Variants in MCRS1 observed in about 807,000 individuals in gnomAD.
MCRS1 encodes 58 kDa microspherule protein.
Under a neutral mutation model 62.9 loss-of-function variants are expected in MCRS1, and 22 were observed. The ratio of observed to expected loss-of-function variants is 0.35; its 90% CI spans 0.25 to 0.50. The LOEUF (loss-of-function observed/expected upper bound fraction) is 0.50, where lower values mean the gene tolerates loss of function less well. Ranked by LOEUF, MCRS1 falls within the 20% of genes least tolerant of loss-of-function variation. MCRS1 has a pLI of 0.98. For synonymous variants in MCRS1, 244 were observed against 233.5 expected, an observed-to-expected ratio of 1.04 and a Z score of -0.41; for missense variants, 456 against 601.1, an observed-to-expected ratio of 0.76 and a Z score of 2.52.
At chr12:49,565,829 T>C in intron 3 of MCRS1, 162 bp from the exon 4 acceptor site, 1 of 1,155,482 alleles carries the variant, frequency 8.7e-7, no homozygotes, top group Non-Finnish European at 1.2e-6. Context: ...ACTGCTACAC[T>C]CCAGCCCTCT....
chr12:49,559,816 T>G lies in MCRS1; in HGVS notation c.916A>C (p.Met306Leu). ...CGCTTCTGGCGCCGGTCAGCCACCATCAGCTCTGGGGTGAGGTGGGGTGGT... is the reference window on the plus strand; with the variant it reads ...CGCTTCTGGCGCCGGTCAGCCACCAGCAGCTCTGGGGTGAGGTGGGGTGGT... The part of the protein sequence containing the change: ...MRDEVLEHEL[M>L]VADRRQKREI... The change falls in exon 11 of 15, where the codon ATG becomes CTG. Residue 306 changes from methionine (M) to leucine (L), a missense_variant. Transcript: ENST00000343810. This position sits in a 1 kb window ranked among gnomAD's most constrained non-coding sequence, Gnocchi z 5.2. 1 of 1,614,162 alleles carries G rather than the reference T, an allele frequency of 6.2e-7. No individual in the cohort carries two copies. Among genetic ancestry groups the G allele is most frequent in the Non-Finnish European group, 8.5e-7 (1 of 1,179,998 alleles).
Position 49,564,717 on chromosome 12 carries a change from G to T in MCRS1, c.447+20C>A, listed in dbSNP as rs750948617. ...AGGTTGGGGGAAAGGGGCACACTGA[G>T]CCTATGGTGGGGGCACTACCTGCAA... On this transcript the variant is annotated intron_variant, in intron 5 of 14. Coordinates refer to ENST00000343810, the MANE Select transcript of MCRS1 (RefSeq NM_006337.5). The T allele has an allele frequency of 2.5e-6, 4 of 1,605,264 alleles. No individual in the cohort carries two copies. The Admixed American group carries it at 6.7e-5, about 27-fold the overall frequency.
At chr12:49,566,455 G>GT in intron 2 of MCRS1, 1 of 1,566,904 alleles carries the variant, frequency 6.4e-7, no homozygotes, top group Non-Finnish European at 8.7e-7. Context: ...GCAGCACATG[G>GT]TGCTCAGGTC....
In MCRS1 at chr12:49,563,393, T is replaced by G. The variant is rs17123787; in HGVS notation, c.666+45A>C. 4,938 of 1,562,108 alleles carry G rather than the reference T, an allele frequency of 3.2e-3. 128 individuals carry two copies. In the African/African-American group the frequency reaches 0.059, roughly 19 times the overall value. On this transcript the variant is annotated intron_variant, in intron 7 of 14. Transcript: ENST00000343810. Reference sequence around the variant, plus strand: ...TCAGTGGTTTTCTAGGTGGTCCAGCTCTCGCTGTGCCCTGATCCTCCACCT... The same window carrying G: ...TCAGTGGTTTTCTAGGTGGTCCAGCGCTCGCTGTGCCCTGATCCTCCACCT...
At position 49,564,839 on chromosome 12, in the gene MCRS1, G is replaced by A; in HGVS notation, c.345C>T (p.Leu115=). 2 of 1,614,026 alleles carry A rather than the reference G, an allele frequency of 1.2e-6. No individual in the cohort carries two copies. The highest frequency in any genetic ancestry group is 1.1e-5 in the South Asian group (1 of 91,064). The change falls in exon 5 of 15, where the codon CTC becomes CTT. Residue 115 remains leucine (L), a synonymous_variant. Transcript: ENST00000343810. ...VPPSPAPAPG[L]TKRVKKSKQP... is the part of the protein sequence containing the mutation. ...GTTTACTCTTCTTCACACGCTTGGT[G>A]AGTCCAGGGGCTGGGGCTGGGCTGG...
At chr12:49,563,345 C>G in intron 7 of MCRS1, 93 bp downstream of exon 7, 1 of 1,388,640 alleles carries the variant, frequency 7.2e-7, no homozygotes, top group Non-Finnish European at 1.0e-6. Context: ...CATATCCAGA[C>G]AGTGGGTGGG....
rs2138203585 is a variant in MCRS1 at position 49,566,147 on chromosome 12, ACTC to A, written c.76_78del (p.Glu26del). On this transcript the variant is annotated inframe_deletion, in exon 3 of 15. Transcript: ENST00000343810. ...GAGGCTCGCTTCTGCCCTGCCAGTGACTCCTCATCCTCTGAGCGGCTGGCAGTG... is the reference window on the plus strand; with the variant it reads ...GAGGCTCGCTTCTGCCCTGCCAGTGACTCATCCTCTGAGCGGCTGGCAGTG... 1.2e-6 allele frequency: 2 copies of A among 1,613,944 alleles called. No individual in the cohort carries two copies. Among genetic ancestry groups the A allele is most frequent in the East Asian group, 2.2e-5 (1 of 44,856 alleles).
rs138752838 is a variant in MCRS1 at position 49,564,758 on chromosome 12, C to G, written c.426G>C (p.Leu142=). The change falls in exon 5 of 15, where the codon CTG becomes CTC. Residue 142 remains leucine (L), a synonymous_variant. Coordinates refer to ENST00000343810, the MANE Select transcript of MCRS1 (RefSeq NM_006337.5). ...LGRWKPADDL[L]LINAVLQTND... The stretch of plus-strand genomic sequence containing the variant: ...CTACCTGCAACACAGCATTTATGAG[C>G]AGGAGGTCATCTGCAGGCTTCCAGC... The G allele has an allele frequency of 6.6e-5, 107 of 1,612,788 alleles. No homozygotes were observed. In the African/African-American group the frequency reaches 1.4e-3, roughly 21 times the overall value.
intron 3 of MCRS1, 67 bp downstream of exon 3, chr12:49,566,010 C>T: frequency 6.4e-7 from 1 of 1,553,910 alleles, no homozygotes; most frequent in Non-Finnish European, 8.7e-7. Context: ...GATGGGGAGG[C>T]ATGTGGCACT....
In MCRS1 at chr12:49,566,769, G is replaced by T; in HGVS notation, c.-38C>A. 6.2e-7 allele frequency: 1 copy of T among 1,611,852 alleles called. No homozygotes were observed. Among genetic ancestry groups the T allele is most frequent in the Non-Finnish European group, 8.5e-7 (1 of 1,178,992 alleles). ...CCAAAGCCACTGGTTCCAAACCACC[G>T]GGCTAGGAGGAACGGTCCCACAGGC... On this transcript the variant is annotated 5_prime_UTR_variant, in exon 2 of 15. Coordinates refer to ENST00000343810, the MANE Select transcript of MCRS1 (RefSeq NM_006337.5).
In MCRS1 at chr12:49,559,048, G is replaced by A; in HGVS notation, c.1175-78C>T. On this transcript the variant is annotated intron_variant, in intron 13 of 14. Transcript: ENST00000343810. This position sits in a 1 kb window ranked among gnomAD's most constrained non-coding sequence, Gnocchi z 5.2. ...ATGGGGAAAGGCCAGAGAGAGCCAG[G>A]AGCTTCCATGGACCAGCTCTGCTTC... The A allele has an allele frequency of 1.9e-6, 3 of 1,587,590 alleles. No individual in the cohort carries two copies. The highest frequency in any genetic ancestry group is 3.3e-5 in the Admixed American group (2 of 59,818).
chr12:49,559,000 T>A, intron 13 of MCRS1, 30 bp from the exon 14 acceptor site: 1 of 1,599,758 alleles, frequency 6.3e-7, no homozygotes. Context: ...GAAGGGATGA[T>A]GGGATGGGGA....
Position 49,563,477 on chromosome 12 carries a change from A to G in MCRS1, c.627T>C (p.Phe209=), listed in dbSNP as rs146749725. ...AIAAIQSKAL[F]SKAEEQLLSK... The stretch of plus-strand genomic sequence containing the variant: ...TCAGCAGCTGCTCCTCAGCCTTGCT[A>G]AACAGGGCCTTGCTCTGGATGGCTG... The change falls in exon 7 of 15, where the codon TTT becomes TTC. Residue 209 remains phenylalanine, a synonymous_variant. Coordinates refer to ENST00000343810, the MANE Select transcript of MCRS1 (RefSeq NM_006337.5). 189 of 1,612,928 alleles carry G rather than the reference A, an allele frequency of 1.2e-4. No homozygotes were observed. In the African/African-American group the frequency reaches 2.2e-3, roughly 19 times the overall value.
Position 49,564,737 on chromosome 12 carries a change from C to T in MCRS1, c.447G>A (p.Gln149=). The T allele has an allele frequency of 6.2e-7, 1 of 1,610,096 alleles. No homozygotes were observed. Among genetic ancestry groups the T allele is most frequent in the Non-Finnish European group, 8.5e-7 (1 of 1,177,590 alleles). The part of the protein sequence containing the change: ...DDLLLINAVL[Q]TNDLTSVHLG... Reference sequence around the variant, plus strand: ...ACTGAGCCTATGGTGGGGGCACTACCTGCAACACAGCATTTATGAGCAGGA... The same window carrying T: ...ACTGAGCCTATGGTGGGGGCACTACTTGCAACACAGCATTTATGAGCAGGA... Residue 149 remains glutamine (Q), a splice_region_variant and synonymous_variant, in exon 5 of 15, where the codon CAG becomes CAA. Transcript: ENST00000343810.
chr12:49,565,222 T>G (rs961335417), intron 4 of MCRS1: 46 of 985,282 alleles, frequency 4.7e-5, no homozygotes, highest in Non-Finnish European at 5.2e-5. Context: ...CAATGCCACC[T>G]GGGGGTTATT....
At chr12:49,564,620 C>T (rs1171696123) in intron 5 of MCRS1, 30 bp from the exon 6 acceptor site, 2 of 1,609,038 alleles carry the variant, frequency 1.2e-6, no homozygotes, top group Admixed American at 1.7e-5. Flanking sequence ...TTTGCTCCAG[C>T]CTTGGAGCTG....
chr12:49,559,995 T>C lies in MCRS1; in HGVS notation c.882-28A>G. 1 of 1,614,098 alleles carries C rather than the reference T, an allele frequency of 6.2e-7. No individual in the cohort carries two copies. Among genetic ancestry groups the C allele is most frequent in the Non-Finnish European group, 8.5e-7 (1 of 1,179,988 alleles). On this transcript the variant is annotated intron_variant, in intron 9 of 14. Transcript: ENST00000343810. This position sits in a 1 kb window ranked among gnomAD's most constrained non-coding sequence, Gnocchi z 5.2. The stretch of plus-strand genomic sequence containing the variant: ...GAGGGGCAAGAAGAGAAGGAAGATT[T>C]AGGTCCACCTTCAGCTTGCCTGTTA...
rs1592528129 is a variant in MCRS1 at position 49,564,670 on chromosome 12, C to A, written c.447+67G>T. ...TTGCCACCCACAGGGCCCTGTTGGG[C>A]TAATTTTGGGGTGCGAACTGGAGGT... On this transcript the variant is annotated intron_variant, in intron 5 of 14. Coordinates refer to ENST00000343810, the MANE Select transcript of MCRS1 (RefSeq NM_006337.5). 15 of 1,604,604 alleles carry A rather than the reference C, an allele frequency of 9.3e-6. No homozygotes were observed. In the East Asian group the frequency reaches 3.4e-4, roughly 36 times the overall value.
Position 49,559,162 on chromosome 12 carries a change from T to TG in MCRS1, c.1174+51dup. The stretch of plus-strand genomic sequence containing the variant: ...AGGGCTAGAAAGGACAGCGAGAGGC[T>TG]GGGAGGGACGACCTCACACTGCTTC... On this transcript the variant is annotated intron_variant, in intron 13 of 14. Transcript: ENST00000343810. This position sits in a 1 kb window ranked among gnomAD's most constrained non-coding sequence, Gnocchi z 5.2. 6.3e-7 allele frequency: 1 copy of TG among 1,587,108 alleles called. No individual in the cohort carries two copies. Among genetic ancestry groups the TG allele is most frequent in the Non-Finnish European group, 8.6e-7 (1 of 1,158,302 alleles).
Sources: allele counts gnomAD v4.1 joint callset, GRCh38; gene constraint gnomAD v4.1.1; non-coding constraint Gnocchi (gnomAD v3.1); transcripts MANE v1.5; gene names NCBI Gene and HGNC (gene_info 2026-07-23, HGNC 2026-07-21).